Variants in NUP210L observed in about 807,000 individuals in gnomAD.
NUP210L encodes nuclear pore membrane glycoprotein 210-like.
A neutral mutation model predicts 208.5 loss-of-function variants in NUP210L; 74 were observed. That is an observed-to-expected ratio of 0.35 (90% confidence interval 0.29 to 0.43). The LOEUF (loss-of-function observed/expected upper bound fraction) is 0.43. NUP210L is among the 20% of genes least tolerant of loss of function. The probability of loss-of-function intolerance (pLI) is 1.00; values close to 1 mark genes in which losing one functional copy is unlikely to be tolerated. For synonymous variants in NUP210L, 780 were observed against 816.9 expected (o/e 0.95, Z 0.77); for missense variants, 1,843 against 2,289.4 (o/e 0.81, Z 3.98).
chr1:154,079,338 A>G (rs1002126502), intron 16 of NUP210L: 5 of 151,770 alleles, frequency 3.3e-5, no homozygotes, highest in African/African-American at 9.7e-5. Context: ...TGCCCAGGCT[A>G]GGAGCAAACT....
intron 25 of NUP210L, 81 bp downstream of exon 25, chr1:154,054,147 T>G: frequency 6.9e-7 from 1 of 1,448,780 alleles, no homozygotes; most frequent in Non-Finnish European, 9.6e-7. Context: ...GACACCCTCC[T>G]CATTACCACT....
At chr1:154,146,118 A>G (rs983953494) in intron 2 of NUP210L, among the ~76,000 whole-genome samples, 8 of 152,174 alleles carry the variant, frequency 5.3e-5, no homozygotes, top group African/African-American at 1.9e-4. Flanking sequence ...CATAGAACTA[A>G]AAAGTAAGAA....
At chr1:154,018,264 G>A (rs1010194514) in intron 33 of NUP210L, among the ~76,000 whole-genome samples, 1 of 152,052 alleles carries the variant, frequency 6.6e-6, no homozygotes, top group Non-Finnish European at 1.5e-5. Flanking sequence ...GAGCCACCGC[G>A]CCTGGCCTTT....
intron 27 of NUP210L, among the ~76,000 whole-genome samples, chr1:154,032,209 G>T (rs1652266351): frequency 6.6e-6 from 1 of 151,974 alleles, no homozygotes; most frequent in South Asian, 2.1e-4. Context: ...CTTTCTTTTG[G>T]GTATATGTCT....
intron 11 of NUP210L, among the ~76,000 whole-genome samples, chr1:154,118,353 T>A (rs192385923): frequency 6.6e-6 from 1 of 151,992 alleles, no homozygotes; most frequent in Non-Finnish European, 1.5e-5. Context: ...TGTGACACTA[T>A]AGTAAAGTAC....
chr1:154,114,214 T>C (rs183950603), intron 12 of NUP210L, among the ~76,000 whole-genome samples: 69 of 151,854 alleles, frequency 4.5e-4, no homozygotes, highest in African/African-American at 1.6e-3. Flanking sequence ...GGTGGGAGGA[T>C]TGCTTGAGGT....
In NUP210L at chr1:154,141,477, C is replaced by T. The variant is rs201180542; in HGVS notation, c.520G>A (p.Ala174Thr). Residue 174 changes from alanine (A) to threonine (T), a missense_variant, in exon 4 of 40, where the codon GCC becomes ACC. By Grantham distance (58) the Ala-to-Thr change is moderately conservative. This residue lies in a region of NUP210L where 542 missense variants were observed against 606.4 expected (regional missense o/e 0.89). Transcript: ENST00000368559. ...TCTCTTGCTGACTCGTTGTCCTGGG[C>T]AATGCTCCACTCAAACATCATCCCT... 1.3e-4 allele frequency: 213 copies of T among 1,613,056 alleles called. 1 individual carries two copies. The highest frequency in any genetic ancestry group is 1.1e-4 in the Non-Finnish European group (128 of 1,179,186).
At chr1:154,012,547 CTT>C (rs34122117) in intron 33 of NUP210L, among the ~76,000 whole-genome samples, 177 bp from the exon 34 acceptor site, 6 of 146,344 alleles carry the variant, frequency 4.1e-5, no homozygotes, top group Admixed American at 2.8e-4. Flanking sequence ...GACAAAATAA[CTT>C]TTTTTTTTTT....
exon 40 of NUP210L, chr1:153,992,733 G>A: frequency 1.3e-6 from 1 of 745,288 alleles, no homozygotes; most frequent in South Asian, 1.8e-5. Flanking sequence ...GTTCTCAGAA[G>A]CCTTATCTGG....
chr1:154,012,408 C>T (rs1033951921), intron 33 of NUP210L, 38 bp from the exon 34 acceptor site: 1 of 1,599,208 alleles, frequency 6.3e-7, no homozygotes, highest in Admixed American at 1.7e-5. Flanking sequence ...ACCTAAGTTC[C>T]TAGAGAATCT....
At chr1:154,076,383 T>C (rs1384368484) in intron 16 of NUP210L, among the ~76,000 whole-genome samples, 1 of 152,134 alleles carries the variant, frequency 6.6e-6, no homozygotes, top group Non-Finnish European at 1.5e-5. Context: ...ATTACAAACA[T>C]GAGCCACTGT....
chr1:154,036,355 T>C (rs1652546780), intron 27 of NUP210L, among the ~76,000 whole-genome samples: 1 of 116,786 alleles, frequency 8.6e-6, no homozygotes, highest in Non-Finnish European at 1.9e-5. Flanking sequence ...TGTGTGTGTG[T>C]GTGTGTATAA....
chr1:154,054,753 T>C lies in NUP210L; in HGVS notation c.3303+17A>G. 6.3e-7 allele frequency: 1 copy of C among 1,581,130 alleles called. No homozygotes were observed. The highest frequency in any genetic ancestry group is 8.7e-7 in the Non-Finnish European group (1 of 1,149,996). On this transcript the variant is annotated intron_variant, in intron 24 of 39. Coordinates refer to ENST00000368559, the Ensembl canonical transcript of NUP210L. The stretch of plus-strand genomic sequence containing the variant: ...AGGAGAAAAGGTAAATCTTATTTTT[T>C]CTGCCTGTAAGTTCACCTGCATCAT...
intron 12 of NUP210L, among the ~76,000 whole-genome samples, chr1:154,108,586 C>T (rs1382712951): frequency 6.6e-6 from 1 of 151,194 alleles, no homozygotes; most frequent in Non-Finnish European, 1.5e-5. Context: ...GTCATGGTAA[C>T]CTGACAAAAA....
chr1:154,045,120 G>A lies in NUP210L; in HGVS notation c.3696+949C>T, dbSNP rs572402592. Among the ~76,000 whole-genome samples, 236 of 152,146 alleles carry A rather than the reference G, an allele frequency of 1.6e-3. 1 individual carries two copies. The highest frequency in any genetic ancestry group is 2.6e-3 in the Non-Finnish European group (175 of 68,010). ...ATTAATCACTGTTCTTAAACTTGTC[G>A]TTGATATAAGACACCCAGTCCAGAA... On this transcript the variant is annotated intron_variant, in intron 27 of 39. Transcript: ENST00000368559.
At chr1:154,073,854 A>T (rs946510415) in intron 16 of NUP210L, among the ~76,000 whole-genome samples, 6 of 150,722 alleles carry the variant, frequency 4.0e-5, no homozygotes, top group Non-Finnish European at 7.4e-5. Context: ...ATAAATAAAT[A>T]AATAAATTCA....
chr1:154,102,852 G>T (rs2148066757), intron 13 of NUP210L, among the ~76,000 whole-genome samples: 1 of 121,218 alleles, frequency 8.2e-6, no homozygotes, highest in East Asian at 2.0e-4. Context: ...CCTCTTAAAA[G>T]ACATATGGTA....
At chr1:154,044,270 G>A (rs1653051943) in intron 27 of NUP210L, among the ~76,000 whole-genome samples, 1 of 152,022 alleles carries the variant, frequency 6.6e-6, no homozygotes, top group African/African-American at 2.4e-5. Flanking sequence ...AGCCGGGCCT[G>A]GTGGCAGGCA....
intron 25 of NUP210L, among the ~76,000 whole-genome samples, chr1:154,049,526 C>G (rs1160799317): frequency 1.3e-5 from 2 of 152,078 alleles, no homozygotes; most frequent in African/African-American, 2.4e-5. Context: ...AACAGACAAG[C>G]CAATTTGGAT....
Sources: allele counts gnomAD v4.1 joint callset (sites outside exome capture counted in the v4.1 genomes callset), GRCh38; gene constraint gnomAD v4.1.1; regional missense constraint gnomAD v4.1.1; transcripts MANE v1.5; gene names NCBI Gene and HGNC (gene_info 2026-07-23, HGNC 2026-07-21).